The following CCDC138 variants were observed in gnomAD, a reference collection of about 807,000 sequenced individuals.
CCDC138 encodes coiled-coil domain containing 138, also known as coiled-coil domain-containing protein 138.
CCDC138 carries 66 observed loss-of-function variants against 82.3 expected under a neutral mutation model. The ratio of observed to expected loss-of-function variants is 0.80; its 90% CI spans 0.66 to 0.98. The LOEUF (loss-of-function observed/expected upper bound fraction) is 0.98, where lower values mean the gene tolerates loss of function less well. CCDC138 is among the 50% of genes least tolerant of loss of function. CCDC138 has a pLI of 0.00. For synonymous variants in CCDC138, 297 were observed against 265.4 expected (o/e 1.12, Z -1.16); for missense variants, 816 against 758.9 (o/e 1.08, Z -0.88).
Position 108,816,036 on chromosome 2 carries a change from A to G in CCDC138, c.1137A>G (p.Gly379=). The change falls in exon 10 of 15, where the codon GGA becomes GGG. Residue 379 remains glycine (G), a synonymous_variant. Coordinates refer to ENST00000295124, the MANE Select transcript of CCDC138 (RefSeq NM_144978.3). Reference sequence around the variant, plus strand: ...GCAAAGTGAAACATGAAGAATCTGGAATGGATGGTAAAAAACCACAACTCA... The same window carrying G: ...GCAAAGTGAAACATGAAGAATCTGGGATGGATGGTAAAAAACCACAACTCA... ...HLSKVKHEES[G]MDGKKPQLKF... 6.2e-7 allele frequency: 1 copy of G among 1,613,906 alleles called. No individual in the cohort carries two copies. Among genetic ancestry groups the G allele is most frequent in the African/African-American group, 1.3e-5 (1 of 75,016 alleles).
intron 6 of CCDC138, among the ~76,000 whole-genome samples, chr2:108,798,852 C>CAT (rs1553512740): frequency 3.3e-5 from 5 of 150,120 alleles, no homozygotes; most frequent in African/African-American, 1.2e-4. Flanking sequence ...CACACACACA[C>CAT]ATTTTTTCTG....
At chr2:108,796,322 G>A (rs1680880559) in intron 5 of CCDC138, among the ~76,000 whole-genome samples, 1 of 152,052 alleles carries the variant, frequency 6.6e-6, no homozygotes. Context: ...CCAAAGTGCT[G>A]GGATTACAGG....
In CCDC138 at chr2:108,846,733, A is replaced by G. The variant is rs1690549370; in HGVS notation, c.1324-5A>G. ...ATATACTAAGATTGTACATATTTTT[A>G]ACAGCACTCGACTATGACATCAACA... On this transcript the variant is annotated splice_region_variant and splice_polypyrimidine_tract_variant and intron_variant, in intron 11 of 14. Transcript: ENST00000295124. 2 of 1,596,728 alleles carry G rather than the reference A, an allele frequency of 1.3e-6. No homozygotes were observed. The highest frequency in any genetic ancestry group is 3.6e-5 in the Admixed American group (2 of 54,840).
chr2:108,814,017 GT>G (rs1166402793), intron 9 of CCDC138, among the ~76,000 whole-genome samples: 3 of 152,108 alleles, frequency 2.0e-5, no homozygotes, highest in African/African-American at 7.2e-5. Flanking sequence ...GCTTTTTCTA[GT>G]TTTTGTCTGC....
intron 1 of CCDC138, among the ~76,000 whole-genome samples, chr2:108,787,728 T>G (rs1190231323): frequency 6.6e-6 from 1 of 152,010 alleles, no homozygotes; most frequent in Non-Finnish European, 1.5e-5. Flanking sequence ...TTTTGAGAAG[T>G]GTAAGAATTA....
chr2:108,883,774 A>C (rs1487624852), intron 2 of CCDC138: 2 of 152,244 alleles, frequency 1.3e-5, no homozygotes, highest in Admixed American at 6.5e-5. Flanking sequence ...TTGTGACTCA[A>C]GGGTCTGCCC....
chr2:108,867,258 G>T (rs1420064924), intron 13 of CCDC138, among the ~76,000 whole-genome samples: 1 of 152,198 alleles, frequency 6.6e-6, no homozygotes, highest in Non-Finnish European at 1.5e-5. Context: ...GTGGACACAA[G>T]AGAGAAGCTC....
chr2:108,821,353 G>A lies in CCDC138; in HGVS notation c.1206+5248G>A, dbSNP rs55864939. On this transcript the variant is annotated intron_variant, in intron 10 of 14. Transcript: ENST00000295124. Reference sequence around the variant, plus strand: ...AGCCTGGGCAACAGGGTGAGACTCCGTCTCAAAAAAAATAGAATTTGTGAT... The same window carrying A: ...AGCCTGGGCAACAGGGTGAGACTCCATCTCAAAAAAAATAGAATTTGTGAT... Among the ~76,000 whole-genome samples the A allele has an allele frequency of 9.3e-3, 1,391 of 149,208 alleles. 15 individuals carry two copies. Among genetic ancestry groups the A allele is most frequent in the Middle Eastern group, 0.024 (7 of 294 alleles).
intron 11 of CCDC138, among the ~76,000 whole-genome samples, chr2:108,844,751 T>A (rs1403274962): frequency 1.3e-5 from 2 of 150,488 alleles, no homozygotes; most frequent in Non-Finnish European, 3.0e-5. Context: ...TATCCACATT[T>A]TTTTTTTTTT....
chr2:108,873,433 T>C lies in CCDC138; in HGVS notation c.1694-18T>C. The C allele has an allele frequency of 6.4e-7, 1 of 1,570,380 alleles. No individual in the cohort carries two copies. Among genetic ancestry groups the C allele is most frequent in the Non-Finnish European group, 8.6e-7 (1 of 1,162,772 alleles). On this transcript the variant is annotated intron_variant, in intron 13 of 14. Coordinates refer to ENST00000295124, the MANE Select transcript of CCDC138 (RefSeq NM_144978.3). ...TCGCTACTCCCTAATAGTAAAGCAC[T>C]GTTGATTTGTTTTGCAGAATCCTTG...
At chr2:108,800,075 A>C (rs1291046342) in intron 6 of CCDC138, among the ~76,000 whole-genome samples, 1 of 152,036 alleles carries the variant, frequency 6.6e-6, no homozygotes, top group Non-Finnish European at 1.5e-5. Flanking sequence ...TCATCTCAAG[A>C]TAGGGATCTG....
At chr2:108,833,395 A>G (rs1156429617) in intron 10 of CCDC138, among the ~76,000 whole-genome samples, 1 of 152,226 alleles carries the variant, frequency 6.6e-6, no homozygotes, top group Non-Finnish European at 1.5e-5. Context: ...TCAGAAACCT[A>G]AAACTGCTCT....
chr2:108,861,218 T>C (rs946156199), intron 13 of CCDC138, among the ~76,000 whole-genome samples: 1 of 151,822 alleles, frequency 6.6e-6, no homozygotes, highest in Non-Finnish European at 1.5e-5. Context: ...ATCATCTCTC[T>C]TTTTTTCTTT....
Position 108,875,052 on chromosome 2 carries a change from A to T in CCDC138, c.1833-1036A>T, listed in dbSNP as rs1695818967. 4.6e-5 allele frequency among the ~76,000 whole-genome samples: 7 copies of T among 152,060 alleles called. No homozygotes were observed. In the South Asian group the frequency reaches 1.5e-3, roughly 32 times the overall value. On this transcript the variant is annotated intron_variant, in intron 14 of 14. Transcript: ENST00000295124. Reference sequence around the variant, plus strand: ...AAAAAAACAAAGCTTGAACAAGAAGACTGGGAATAGTTGATGCTCAAGCAG... The same window carrying T: ...AAAAAAACAAAGCTTGAACAAGAAGTCTGGGAATAGTTGATGCTCAAGCAG...
chr2:108,813,446 A>G (rs989849065), intron 9 of CCDC138, among the ~76,000 whole-genome samples: 2 of 152,126 alleles, frequency 1.3e-5, no homozygotes, highest in Non-Finnish European at 2.9e-5. Flanking sequence ...TGTGAAAACA[A>G]AACTATTATA....
At chr2:108,818,513 TATA>T (rs1553412007) in intron 10 of CCDC138, among the ~76,000 whole-genome samples, 1 of 152,182 alleles carries the variant, frequency 6.6e-6, no homozygotes, top group Non-Finnish European at 1.5e-5. Flanking sequence ...TTAATTACTA[TATA>T]ATAATAAAGG....
chr2:108,824,583 G>A (rs946190146), intron 10 of CCDC138, among the ~76,000 whole-genome samples: 1 of 152,096 alleles, frequency 6.6e-6, no homozygotes, highest in Non-Finnish European at 1.5e-5. Context: ...GCCTGAGGCT[G>A]TTTTACATTT....
Position 108,820,052 on chromosome 2 carries a change from A to G in CCDC138, c.1206+3947A>G, listed in dbSNP as rs140479473. On this transcript the variant is annotated intron_variant, in intron 10 of 14. Coordinates refer to ENST00000295124, the MANE Select transcript of CCDC138 (RefSeq NM_144978.3). ...TGAAAAATACAATATCTGAACTATA[A>G]AAGTCAACAGCAGACTTCATTACGC... Among the ~76,000 whole-genome samples the G allele has an allele frequency of 3.1e-3, 478 of 152,322 alleles. 3 individuals are homozygous for G. Among genetic ancestry groups the G allele is most frequent in the African/African-American group, 0.011 (459 of 41,564 alleles).
At chr2:108,870,560 A>T (rs2105154577) in intron 13 of CCDC138, among the ~76,000 whole-genome samples, 1 of 152,258 alleles carries the variant, frequency 6.6e-6, no homozygotes, top group East Asian at 1.9e-4. Context: ...ACACATTATC[A>T]TGAAACTGTC....
Sources: allele counts gnomAD v4.1 joint callset (sites outside exome capture counted in the v4.1 genomes callset), GRCh38; gene constraint gnomAD v4.1.1; transcripts MANE v1.5; gene names NCBI Gene and HGNC (gene_info 2026-07-23, HGNC 2026-07-21).